CD72: variants seen among roughly 807,000 people sequenced by gnomAD.
The protein encoded by CD72 is B-cell differentiation antigen CD72.
In CD72, 28 loss-of-function variants were observed where a neutral mutation model predicts 50.7. The observed-to-expected ratio is 0.55, with a 90% confidence interval of 0.41 to 0.76. The LOEUF (loss-of-function observed/expected upper bound fraction) is 0.76, where lower values mean the gene tolerates loss of function less well. CD72 is among the 30% of genes least tolerant of loss of function. The pLI, the probability that CD72 is intolerant of heterozygous loss-of-function variation, is 0.00. For synonymous variants in CD72, 176 were observed against 171.2 expected, an observed-to-expected ratio of 1.03 and a Z score of -0.22; for missense variants, 403 against 420.6, an observed-to-expected ratio of 0.96 and a Z score of 0.37.
intron 5 of CD72, among the ~76,000 whole-genome samples, chr9:35,614,927 A>G (rs7465764): frequency 0.079 from 11,935 of 152,026 alleles, 639 homozygotes; most frequent in African/African-American, 0.16. Context: ...TGATGGGAAG[A>G]GAGAAAAAGG....
At chr9:35,618,888 G>A (rs1376357007), upstream of CD72, 1 of 569,026 alleles carries the variant, frequency 1.8e-6, no homozygotes, top group Non-Finnish European at 2.8e-6. Flanking sequence ...TGAAGGTAAG[G>A]AAGAGCCATG....
chr9:35,631,169 T>C (rs1823242557), intron 1 of CD72, among the ~76,000 whole-genome samples: 1 of 152,228 alleles, frequency 6.6e-6, no homozygotes, highest in Non-Finnish European at 1.5e-5. Flanking sequence ...TATATTTATC[T>C]TGTATCCAGT....
chr9:35,629,103 C>T (rs999234268), intron 1 of CD72, among the ~76,000 whole-genome samples: 4 of 151,958 alleles, frequency 2.6e-5, no homozygotes, highest in African/African-American at 9.7e-5. Flanking sequence ...TCTCAAACTC[C>T]TGGGCTCAAG....
intron 1 of CD72, among the ~76,000 whole-genome samples, chr9:35,634,015 T>G (rs1823268899): frequency 1.3e-5 from 2 of 152,242 alleles, no homozygotes; most frequent in South Asian, 4.1e-4. Flanking sequence ...ATTTGATTTA[T>G]AACAAAATCT....
At chr9:35,619,040 A>T (rs1563896692), upstream of CD72, among the ~76,000 whole-genome samples, 1 of 152,228 alleles carries the variant, frequency 6.6e-6, no homozygotes, top group Non-Finnish European at 1.5e-5. Flanking sequence ...AGAGGAGCAG[A>T]ACAGAGCCAG....
At chr9:35,617,948 C>T (rs1376596368) in intron 2 of CD72, 66 bp downstream of exon 2, 1 of 949,766 alleles carries the variant, frequency 1.1e-6, no homozygotes, top group Non-Finnish European at 1.7e-6. Flanking sequence ...ACAACAAAAA[C>T]ATTGTGGACT....
chr9:35,632,220 C>G (rs1823252198), intron 1 of CD72, among the ~76,000 whole-genome samples: 1 of 151,682 alleles, frequency 6.6e-6, no homozygotes, highest in Non-Finnish European at 1.5e-5. Flanking sequence ...CTCTGTCACC[C>G]AGGCTGGAGT....
chr9:35,611,743 A>T, intron 7 of CD72, 61 bp downstream of exon 7: 1 of 894,480 alleles, frequency 1.1e-6, no homozygotes, highest in Non-Finnish European at 1.9e-6. Flanking sequence ...AAATCTGATT[A>T]CCATGTCTTT....
At chr9:35,633,359 C>T (rs1207406160) in intron 1 of CD72, among the ~76,000 whole-genome samples, 2 of 150,540 alleles carry the variant, frequency 1.3e-5, no homozygotes, top group African/African-American at 4.9e-5. Flanking sequence ...GAAATAAGTG[C>T]TCCCTTTATT....
chr9:35,646,436 A>G (rs1823393688), exon 1 of CD72: 1 of 152,210 alleles, frequency 6.6e-6, no homozygotes, highest in Admixed American at 6.5e-5. Context: ...AATCACAGGT[A>G]TTTGTGAGTC....
intron 1 of CD72, among the ~76,000 whole-genome samples, chr9:35,625,716 C>T (rs1453292997): frequency 2.0e-5 from 3 of 152,172 alleles, no homozygotes; most frequent in Non-Finnish European, 4.4e-5. Flanking sequence ...TAATGCAGCT[C>T]GTGGCTTTAA....
At chr9:35,611,155 G>A (rs565305545) in intron 7 of CD72, among the ~76,000 whole-genome samples, 9 of 152,244 alleles carry the variant, frequency 5.9e-5, no homozygotes, top group African/African-American at 2.2e-4. Context: ...GGAGGCTGAG[G>A]CAGGAGAATG....
upstream of CD72, chr9:35,618,598 T>C: frequency 1.6e-6 from 1 of 635,288 alleles, no homozygotes; most frequent in Non-Finnish European, 2.6e-6. Context: ...CTCCCTGTGC[T>C]TCCTCTCCAT....
At chr9:35,627,927 C>G (rs1322435440) in intron 1 of CD72, among the ~76,000 whole-genome samples, 1 of 152,042 alleles carries the variant, frequency 6.6e-6, no homozygotes, top group Non-Finnish European at 1.5e-5. Flanking sequence ...CCTCAAACTC[C>G]TGGGTTCAAG....
rs115026540 is a variant in CD72 at position 35,635,607 on chromosome 9, G to T, written n.408+10796C>A. On this transcript the variant is annotated intron_variant and non_coding_transcript_variant, in intron 1 of 3. Coordinates refer to the CD72 transcript ENST00000465754. Reference sequence around the variant, plus strand: ...AGGGATTCAGCTGTCTCTGCCAGCAGGTTCCTCTGCCCTCTGGTTTTTCTG... The same window carrying T: ...AGGGATTCAGCTGTCTCTGCCAGCATGTTCCTCTGCCCTCTGGTTTTTCTG... 5.8e-3 allele frequency among the ~76,000 whole-genome samples: 878 copies of T among 152,280 alleles called. 9 individuals carry two copies. Among genetic ancestry groups the T allele is most frequent in the African/African-American group, 0.02 (834 of 41,550 alleles).
At chr9:35,612,145 C>G (rs1042188067) in intron 6 of CD72, among the ~76,000 whole-genome samples, 17 of 152,180 alleles carry the variant, frequency 1.1e-4, no homozygotes, top group African/African-American at 4.1e-4. Context: ...GGAGGGGAGT[C>G]ATTCTGTGTG....
intron 1 of CD72, among the ~76,000 whole-genome samples, chr9:35,645,599 A>AG: frequency 2.4e-5 from 2 of 83,156 alleles, no homozygotes; most frequent in South Asian, 6.4e-4. Flanking sequence ...AAAAACAAAC[A>AG]AAAAAAAACT....
intron 1 of CD72, among the ~76,000 whole-genome samples, chr9:35,626,404 G>A (rs1352275720): frequency 6.6e-6 from 1 of 152,054 alleles, no homozygotes; most frequent in Admixed American, 6.6e-5. Context: ...CAAAGAAAGT[G>A]GTTTCTTAAG....
At chr9:35,622,621 T>C (rs1484113021), upstream of CD72, among the ~76,000 whole-genome samples, 2 of 152,046 alleles carry the variant, frequency 1.3e-5, no homozygotes, top group African/African-American at 4.8e-5. Context: ...ACCCCGTCTC[T>C]ACTAATAATA....
Sources: allele counts gnomAD v4.1 joint callset (sites outside exome capture counted in the v4.1 genomes callset), GRCh38; gene constraint gnomAD v4.1.1; transcripts MANE v1.5; gene names NCBI Gene and HGNC (gene_info 2026-07-23, HGNC 2026-07-21).